RAP1A: variants seen among roughly 807,000 people sequenced by gnomAD.
The protein encoded by RAP1A is ras-related protein Rap-1A.
Under a neutral mutation model 26.4 loss-of-function variants are expected in RAP1A, and 6 were observed. That is an observed-to-expected ratio of 0.23 (90% CI 0.12 to 0.45). RAP1A has a LOEUF of 0.45. Among genes scored for constraint, RAP1A ranks in the 20% least tolerant of loss-of-function variants. RAP1A has a pLI of 0.99. For missense variants in RAP1A, 121 were observed against 217.2 expected (o/e 0.56, Z 2.78); for synonymous variants, 73 against 79.4 (o/e 0.92, Z 0.43).
At chr1:111,646,642 G>A (rs1429711851) in intron 1 of RAP1A, among the ~76,000 whole-genome samples, 2 of 151,934 alleles carry the variant, frequency 1.3e-5, no homozygotes, top group African/African-American at 2.4e-5. Context: ...CCGGGTTCAC[G>A]CCATTCTCCT....
chr1:111,708,779 G>A (rs902860320), intron 6 of RAP1A, among the ~76,000 whole-genome samples: 33 of 152,340 alleles, frequency 2.2e-4, no homozygotes, highest in African/African-American at 7.9e-4. Flanking sequence ...GCACGTGTGT[G>A]TGTATGTATG....
At chr1:111,672,291 T>C (rs1660998945) in intron 1 of RAP1A, among the ~76,000 whole-genome samples, 1 of 152,228 alleles carries the variant, frequency 6.6e-6, no homozygotes, top group Non-Finnish European at 1.5e-5. Context: ...AAATTAATAT[T>C]AACATATTTA....
Position 111,691,431 on chromosome 1 carries a change from C to A in RAP1A, c.57+14C>A. 2 of 1,595,428 alleles carry A rather than the reference C, an allele frequency of 1.3e-6. No individual in the cohort carries two copies. The highest frequency in any genetic ancestry group is 1.7e-6 in the Non-Finnish European group (2 of 1,163,140). On this transcript the variant is annotated intron_variant, in intron 2 of 7. Transcript: ENST00000369709. ...AAGTCTGCTCTGGTAAGTTAGCCAC[C>A]TAACTGTAACTGATTAATATAATAC...
intron 7 of RAP1A, among the ~76,000 whole-genome samples, chr1:111,710,642 T>C (rs1025317092): frequency 1.3e-5 from 2 of 152,190 alleles, no homozygotes; most frequent in Admixed American, 1.3e-4. Context: ...TGTGCTTCCT[T>C]AGAGATATGA....
intron 1 of RAP1A, among the ~76,000 whole-genome samples, chr1:111,678,701 G>T (rs78022822): frequency 1.3e-5 from 2 of 151,354 alleles, no homozygotes; most frequent in East Asian, 1.9e-4. Flanking sequence ...GACCACCACC[G>T]TATATGTAAT....
intron 1 of RAP1A, chr1:111,627,625 C>T (rs1449727165): frequency 6.6e-6 from 1 of 151,806 alleles, no homozygotes; most frequent in African/African-American, 2.4e-5. Context: ...GTGGTAATAG[C>T]AGAAATCCTC....
chr1:111,551,309 G>T (rs2101035941), intron 1 of RAP1A, among the ~76,000 whole-genome samples: 1 of 151,926 alleles, frequency 6.6e-6, no homozygotes, highest in East Asian at 1.9e-4. Flanking sequence ...TATCTTTTTT[G>T]CACCTCAGTT....
intron 1 of RAP1A, among the ~76,000 whole-genome samples, chr1:111,679,263 C>T (rs1471754463): frequency 3.9e-5 from 6 of 152,154 alleles, no homozygotes; most frequent in African/African-American, 9.7e-5. Flanking sequence ...GGTGGGGCAT[C>T]GCCTCATCCG....
intron 7 of RAP1A, among the ~76,000 whole-genome samples, chr1:111,709,833 G>T (rs1662322879): frequency 6.6e-6 from 1 of 152,154 alleles, no homozygotes; most frequent in Admixed American, 6.5e-5. Context: ...TATGTTAAAT[G>T]TATCAGTAGT....
At chr1:111,663,899 C>T (rs887278745) in intron 1 of RAP1A, among the ~76,000 whole-genome samples, 13 of 139,590 alleles carry the variant, frequency 9.3e-5, no homozygotes, top group East Asian at 6.7e-4. Flanking sequence ...CTTCCTTGCC[C>T]TCCTAACTGA....
At chr1:111,683,346 C>CA (rs1159410096) in intron 1 of RAP1A, among the ~76,000 whole-genome samples, 18 of 149,944 alleles carry the variant, frequency 1.2e-4, no homozygotes, top group African/African-American at 3.7e-4. Flanking sequence ...GATAGAGACA[C>CA]AAAAAAAACC....
intron 1 of RAP1A, among the ~76,000 whole-genome samples, chr1:111,584,094 CT>C (rs1377213014): frequency 6.6e-6 from 1 of 151,932 alleles, no homozygotes; most frequent in Non-Finnish European, 1.5e-5. Context: ...GTTGGCCAGG[CT>C]GGTCTTGAAC....
intron 1 of RAP1A, among the ~76,000 whole-genome samples, chr1:111,597,717 G>C (rs1182304309): frequency 6.6e-6 from 1 of 152,170 alleles, no homozygotes; most frequent in East Asian, 1.9e-4. Context: ...AGAAAGGGGA[G>C]AAATATACAC....
At chr1:111,578,642 A>G (rs529263054) in intron 1 of RAP1A, among the ~76,000 whole-genome samples, 49 of 152,302 alleles carry the variant, frequency 3.2e-4, no homozygotes, top group Non-Finnish European at 6.3e-4. Context: ...TATTTACTCA[A>G]TACAGAACAC....
At chr1:111,592,613 C>G (rs1303670626) in intron 1 of RAP1A, among the ~76,000 whole-genome samples, 2 of 152,146 alleles carry the variant, frequency 1.3e-5, no homozygotes, top group South Asian at 4.1e-4. Context: ...AGAGCAATGA[C>G]GATTCTTTTG....
chr1:111,654,944 G>C (rs1263438669), intron 1 of RAP1A, among the ~76,000 whole-genome samples: 2 of 151,842 alleles, frequency 1.3e-5, no homozygotes, highest in African/African-American at 4.8e-5. Context: ...TGAGGTGGGA[G>C]GGAATTGCTT....
At chr1:111,673,613 T>G (rs1440701072) in intron 1 of RAP1A, among the ~76,000 whole-genome samples, 2 of 152,250 alleles carry the variant, frequency 1.3e-5, no homozygotes, top group Admixed American at 1.3e-4. Flanking sequence ...GTGTAATGTT[T>G]ATTCCTGTCT....
intron 1 of RAP1A, chr1:111,602,359 C>T (rs1164090882): frequency 6.6e-6 from 1 of 152,178 alleles, no homozygotes; most frequent in Non-Finnish European, 1.5e-5. Flanking sequence ...AAATAGTTAT[C>T]TTTAAAAATG....
intron 1 of RAP1A, among the ~76,000 whole-genome samples, chr1:111,661,117 A>G (rs1660622855): frequency 6.6e-6 from 1 of 152,198 alleles, no homozygotes. Context: ...TGAAGGGAGC[A>G]CTGTTGTGAA....
Sources: gnomAD v4.1 joint callset for allele counts (sites outside exome capture counted in the v4.1 genomes callset) on GRCh38, gnomAD v4.1.1 for gene constraint, MANE v1.5 for transcripts, NCBI Gene and HGNC (gene_info 2026-07-23, HGNC 2026-07-21) for gene names.